The following DNAI7 variants were observed in gnomAD, a reference collection of about 807,000 sequenced individuals.
DNAI7 encodes the protein cancer susceptibility 1.
In DNAI7, 78 loss-of-function variants were observed where a neutral mutation model predicts 86.6. The observed-to-expected ratio is 0.90, with a 90% confidence interval of 0.75 to 1.09. The LOEUF is 1.09. Ranked by LOEUF, DNAI7 falls within the 50% of genes least tolerant of loss-of-function variation. The probability of loss-of-function intolerance (pLI) is 0.00; values close to 1 mark genes in which losing one functional copy is unlikely to be tolerated. For synonymous variants in DNAI7, 274 were observed against 273.0 expected (o/e 1.00, Z -0.04); for missense variants, 753 against 810.2 (o/e 0.93, Z 0.86).
Position 25,110,124 on chromosome 12 carries a change from T to A in DNAI7, c.1893+3A>T. The A allele has an allele frequency of 6.7e-7, 1 of 1,489,782 alleles. No homozygotes were observed. The allele number at this position is 1,489,782 out of a possible 1,614,324, so 92.3% of individuals were successfully genotyped here. A position where few individuals can be genotyped will look rare whatever the true frequency, so the allele number is the denominator to read the frequency against. On this transcript the variant is annotated splice_donor_region_variant and intron_variant, in intron 15 of 15. Coordinates refer to ENST00000395987, the MANE Select transcript of DNAI7 (RefSeq NM_018272.5). ...TAGTTTTATGGGTTTCTACATATCA[T>A]ACCTTAAATACGACTTTTGTAGAAT...
chr12:25,163,264 G>A (rs1195012041), intron 2 of DNAI7, among the ~76,000 whole-genome samples: 1 of 152,102 alleles, frequency 6.6e-6, no homozygotes, highest in Non-Finnish European at 1.5e-5. Flanking sequence ...TGACCTGCAC[G>A]TACACATCTA....
intron 2 of DNAI7, among the ~76,000 whole-genome samples, chr12:25,170,371 A>G (rs1948005852): frequency 6.6e-6 from 1 of 151,762 alleles, no homozygotes; most frequent in Non-Finnish European, 1.5e-5. Flanking sequence ...AGCTTGGGCA[A>G]CAGAGCGAGA....
chr12:25,107,065 T>A, downstream of DNAI7: 1 of 1,405,046 alleles, frequency 7.1e-7, no homozygotes, highest in Non-Finnish European at 1.0e-6. Context: ...GTTATCTACT[T>A]GATAAATTCT....
rs565023681 is a variant in DNAI7, at chr12:25,165,406, C to T, written c.22-4209G>A. Among the ~76,000 whole-genome samples, 4 of 152,334 alleles carry T rather than the reference C, an allele frequency of 2.6e-5. No homozygotes were observed. In the East Asian group the frequency reaches 7.7e-4, roughly 29 times the overall value. ...CTGGGGTTACTCTAGAACCTCCTCC[C>T]CCAGGAGCTTGCTACAAGTGCCAGA... On this transcript the variant is annotated intron_variant, in intron 2 of 15. Transcript: ENST00000395987.
At chr12:25,173,816 TACATCATATATATACC>T (rs1450497060) in intron 2 of DNAI7, among the ~76,000 whole-genome samples, 7 of 148,050 alleles carry the variant, frequency 4.7e-5, no homozygotes, top group Non-Finnish European at 1.0e-4. Context: ...ATCATATATA[TACATCATATATATACC>T]ACATCATATA....
chr12:25,145,192 T>C (rs1349925929), intron 8 of DNAI7, among the ~76,000 whole-genome samples: 1 of 152,296 alleles, frequency 6.6e-6, no homozygotes, highest in East Asian at 1.9e-4. Flanking sequence ...CGGAAGAATC[T>C]ATGACTCCCA....
At chr12:25,121,682 G>T in intron 11 of DNAI7, 71 bp downstream of exon 11, 1 of 1,231,746 alleles carries the variant, frequency 8.1e-7, no homozygotes, top group Non-Finnish European at 1.2e-6. Flanking sequence ...TTAGATGTTA[G>T]ATAATATGAA....
At chr12:25,143,945 T>C (rs1944509006) in intron 9 of DNAI7, among the ~76,000 whole-genome samples, 1 of 152,196 alleles carries the variant, frequency 6.6e-6, no homozygotes, top group South Asian at 2.1e-4. Flanking sequence ...TGTAATATTT[T>C]AAGAAAATTA....
chr12:25,167,950 C>A (rs1405353601), intron 2 of DNAI7, among the ~76,000 whole-genome samples: 8 of 152,106 alleles, frequency 5.3e-5, no homozygotes, highest in Non-Finnish European at 1.5e-5. Context: ...TGTTCCTTTA[C>A]TCTTCATCTC....
At chr12:25,136,653 T>C (rs1379019118) in intron 9 of DNAI7, among the ~76,000 whole-genome samples, 2 of 151,992 alleles carry the variant, frequency 1.3e-5, no homozygotes, top group East Asian at 1.9e-4. Flanking sequence ...CTTAAAGAAA[T>C]TGTAAAAATG....
At chr12:25,174,880 A>T (rs1169463725) in intron 2 of DNAI7, among the ~76,000 whole-genome samples, 3 of 151,616 alleles carry the variant, frequency 2.0e-5, no homozygotes, top group Admixed American at 6.6e-5. Context: ...CAAATATTGT[A>T]TGTTCTCACT....
intron 14 of DNAI7, among the ~76,000 whole-genome samples, chr12:25,110,529 G>T (rs1201172573): frequency 6.6e-6 from 1 of 151,992 alleles, no homozygotes; most frequent in East Asian, 1.9e-4. Context: ...TCAGTTCCAG[G>T]CCCCATGGTT....
intron 4 of DNAI7, among the ~76,000 whole-genome samples, chr12:25,157,871 A>G (rs1209068948): frequency 1.3e-5 from 2 of 149,530 alleles, no homozygotes; most frequent in African/African-American, 4.9e-5. Flanking sequence ...TATCTTGTCT[A>G]TACAACAGAT....
At chr12:25,134,075 G>A (rs1943244508) in intron 9 of DNAI7, among the ~76,000 whole-genome samples, 1 of 152,112 alleles carries the variant, frequency 6.6e-6, no homozygotes, top group Non-Finnish European at 1.5e-5. Flanking sequence ...GCTCACTGCA[G>A]CCTCGACCTC....
chr12:25,129,390 A>C (rs769008372), intron 9 of DNAI7, among the ~76,000 whole-genome samples: 1 of 152,190 alleles, frequency 6.6e-6, no homozygotes, highest in Non-Finnish European at 1.5e-5. Context: ...TACCACATAG[A>C]GGTAGGCGTA....
intron 2 of DNAI7, among the ~76,000 whole-genome samples, chr12:25,173,622 A>C (rs930946911): frequency 3.3e-5 from 5 of 152,056 alleles, no homozygotes; most frequent in African/African-American, 1.2e-4. Context: ...GAGGAAAAGA[A>C]GGTATTATTC....
chr12:25,174,000 T>C (rs1948464002), intron 2 of DNAI7, among the ~76,000 whole-genome samples: 1 of 149,086 alleles, frequency 6.7e-6, no homozygotes, highest in South Asian at 2.1e-4. Context: ...GGAATACATA[T>C]ATCATATACA....
At chr12:25,109,229 A>T (rs1170517391) in intron 15 of DNAI7, among the ~76,000 whole-genome samples, 1 of 152,240 alleles carries the variant, frequency 6.6e-6, no homozygotes, top group Non-Finnish European at 1.5e-5. Flanking sequence ...CAATAAATAC[A>T]GTGGCTTGTT....
At chr12:25,127,562 A>G (rs946175998) in intron 9 of DNAI7, among the ~76,000 whole-genome samples, 3 of 152,182 alleles carry the variant, frequency 2.0e-5, no homozygotes, top group Admixed American at 6.5e-5. Context: ...AATTTCTAAA[A>G]GATGTTTGCT....
Sources: gnomAD v4.1 joint callset for allele counts (sites outside exome capture counted in the v4.1 genomes callset) on GRCh38, gnomAD v4.1.1 for gene constraint, MANE v1.5 for transcripts, NCBI Gene and HGNC (gene_info 2026-07-23, HGNC 2026-07-21) for gene names.